The following GLDC variants were observed in gnomAD, a reference collection of about 807,000 sequenced individuals.
GLDC encodes the protein glycine decarboxylase, also known as glycine dehydrogenase (decarboxylating), mitochondrial.
In GLDC, 104 loss-of-function variants were observed where a neutral mutation model predicts 121.3. The ratio of observed to expected loss-of-function variants is 0.86; its 90% CI spans 0.73 to 1.01. The LOEUF is 1.01. Among genes scored for constraint, GLDC ranks in the 50% least tolerant of loss-of-function variants. The pLI is 0.00. For missense variants in GLDC, 1,429 were observed against 1,306.6 expected, an observed-to-expected ratio of 1.09 and a Z score of -1.44; for synonymous variants, 546 against 480.6, an observed-to-expected ratio of 1.14 and a Z score of -1.78.
chr9:6,555,620 A>G lies in GLDC; in HGVS notation c.2202+533T>C, dbSNP rs189009725. Among the ~76,000 whole-genome samples the G allele has an allele frequency of 3.9e-5, 6 of 152,060 alleles. No homozygotes were observed. The East Asian group carries it at 7.7e-4, about 20-fold the overall frequency. On this transcript the variant is annotated intron_variant, in intron 18 of 24. Coordinates refer to ENST00000321612, the MANE Select transcript of GLDC (RefSeq NM_000170.3). ...CCCATCTCTACTAAAATACAAAAAT[A>G]AAAATAAAAAAATTTAAAAAAATTA...
chr9:6,556,092 T>G, intron 18 of GLDC, 61 bp downstream of exon 18: 1 of 1,453,998 alleles, frequency 6.9e-7, no homozygotes. Context: ...CAGAATTTTT[T>G]TTTTTTTCCA....
intron 6 of GLDC, 29 bp downstream of exon 6, chr9:6,605,102 C>T (rs372296570): frequency 2.2e-4 from 350 of 1,605,600 alleles, no homozygotes; most frequent in Admixed American, 1.1e-3. Flanking sequence ...TACGCCTCCA[C>T]GGACCCCCCA....
intron 15 of GLDC, among the ~76,000 whole-genome samples, chr9:6,585,832 C>CTATG (rs148214664): frequency 0.14 from 20,013 of 147,728 alleles, 1,920 homozygotes; most frequent in Middle Eastern, 0.21. Context: ...TATCATTCAT[C>CTATG]TATGTATGTA....
chr9:6,585,795 A>G (rs1328728568), intron 15 of GLDC, among the ~76,000 whole-genome samples: 1 of 152,184 alleles, frequency 6.6e-6, no homozygotes, highest in Non-Finnish European at 1.5e-5. Context: ...GTAAACTCAC[A>G]TACCGATAAC....
intron 2 of GLDC, among the ~76,000 whole-genome samples, chr9:6,640,331 C>T (rs929445912): frequency 6.6e-6 from 1 of 152,204 alleles, no homozygotes; most frequent in East Asian, 1.9e-4. Context: ...TCACAGACTG[C>T]GGGGCCTACA....
At chr9:6,601,340 C>T (rs1563854983) in intron 8 of GLDC, among the ~76,000 whole-genome samples, 1 of 152,120 alleles carries the variant, frequency 6.6e-6, no homozygotes, top group African/African-American at 2.4e-5. Context: ...CAACTGCCAC[C>T]CATAACAAAC....
At chr9:6,634,569 A>ACC (rs1335793605) in intron 2 of GLDC, among the ~76,000 whole-genome samples, 6 of 145,526 alleles carry the variant, frequency 4.1e-5, no homozygotes, top group Non-Finnish European at 9.1e-5. Context: ...CAAAAAAAAA[A>ACC]CCCGCCATGC....
At chr9:6,534,338 T>C (rs936986585) in intron 24 of GLDC, among the ~76,000 whole-genome samples, 1 of 150,688 alleles carries the variant, frequency 6.6e-6, no homozygotes, top group Non-Finnish European at 1.5e-5. Context: ...TTTTTAGCCT[T>C]CTCCCTACCT....
In GLDC at chr9:6,553,361, G is replaced by A. The variant is rs1563834382; in HGVS notation, c.2457+7C>T. On this transcript the variant is annotated splice_region_variant and intron_variant, in intron 20 of 24. Coordinates refer to ENST00000321612, the MANE Select transcript of GLDC (RefSeq NM_000170.3). ...CCTGCACACCTGCACATACTCCCAG[G>A]CCTCACCTTGATATAAGCCCAGGAA... 1 of 1,613,666 alleles carries A rather than the reference G, an allele frequency of 6.2e-7. No homozygotes were observed. Among genetic ancestry groups the A allele is most frequent in the Non-Finnish European group, 8.5e-7 (1 of 1,179,776 alleles).
chr9:6,565,645 C>G (rs1817841491), intron 15 of GLDC: 3 of 633,476 alleles, frequency 4.7e-6, no homozygotes, highest in Non-Finnish European at 8.5e-6. Context: ...TGCACTACAG[C>G]TCAACCACTC....
chr9:6,574,242 C>A (rs1238198453), intron 15 of GLDC, among the ~76,000 whole-genome samples: 2 of 152,062 alleles, frequency 1.3e-5, no homozygotes, highest in Non-Finnish European at 2.9e-5. Flanking sequence ...CTTCGGGAGG[C>A]AGATCACCTG....
chr9:6,599,337 G>C (rs879203557), intron 8 of GLDC, among the ~76,000 whole-genome samples: 1 of 152,104 alleles, frequency 6.6e-6, no homozygotes, highest in Admixed American at 6.5e-5. Flanking sequence ...GAAACAGCAA[G>C]ACAGGAGCAG....
intron 15 of GLDC, 87 bp downstream of exon 15, chr9:6,587,054 A>C (rs968197): frequency 5.5e-6 from 6 of 1,085,332 alleles, no homozygotes; most frequent in Non-Finnish European, 8.6e-6. Context: ...ATAACACAAA[A>C]AAGTTGTTGT....
At chr9:6,645,188 G>C (rs1201031924) in intron 1 of GLDC, 57 bp downstream of exon 1, 2 of 1,497,782 alleles carry the variant, frequency 1.3e-6, no homozygotes, top group Non-Finnish European at 1.8e-6. Context: ...AGGCCGCGCA[G>C]GCAGAGCCCG....
intron 15 of GLDC, among the ~76,000 whole-genome samples, chr9:6,583,743 C>G (rs1818214401): frequency 6.6e-6 from 1 of 152,116 alleles, no homozygotes; most frequent in Non-Finnish European, 1.5e-5. Context: ...AGACATTATG[C>G]TAAGTGAAAT....
At chr9:6,617,400 G>A (rs2129939507) in intron 3 of GLDC, among the ~76,000 whole-genome samples, 1 of 152,260 alleles carries the variant, frequency 6.6e-6, no homozygotes, top group East Asian at 1.9e-4. Flanking sequence ...TGGCCACCAA[G>A]AGCAAAGGCT....
Position 6,587,239 on chromosome 9 carries a change from A to G in GLDC, c.1752T>C (p.Pro584=), listed in dbSNP as rs150647379. 423 of 1,613,940 alleles carry G rather than the reference A, an allele frequency of 2.6e-4. 1 individual carries two copies. The highest frequency in any genetic ancestry group is 3.3e-4 in the Non-Finnish European group (395 of 1,179,908). Residue 584 remains proline, a synonymous_variant, in exon 15 of 25, where the codon CCT becomes CCC. Coordinates refer to ENST00000321612, the MANE Select transcript of GLDC (RefSeq NM_000170.3). Reference sequence around the variant, plus strand: ...GCTGATATCCTTGAGCTTGATCCAGAGGCACAAAGGGGTGGATGTTTGCAA... The same window carrying G: ...GCTGATATCCTTGAGCTTGATCCAGGGGCACAAAGGGGTGGATGTTTGCAA... The part of the protein sequence containing the change: ...KEFANIHPFV[P]LDQAQGYQQL...
chr9:6,592,912 T>A lies in GLDC; in HGVS notation c.1340A>T (p.Lys447Met), dbSNP rs1161073883. The stretch of plus-strand genomic sequence containing the variant: ...CTGAGCGGCCCTGCCCAAGACCTCC[T>A]TCACTGAGCAGCCACACTGAATCTT... ...TLKIQCGCSV[K>M]EVLGRAAQRQ... The change falls in exon 10 of 25, where the codon AAG (lysine) becomes ATG (methionine). Residue 447 changes from lysine to methionine, a missense_variant. Transcript: ENST00000321612. 6.2e-7 allele frequency: 1 copy of A among 1,614,012 alleles called. No individual in the cohort carries two copies. The highest frequency in any genetic ancestry group is 1.7e-5 in the Admixed American group (1 of 60,024).
In GLDC at chr9:6,645,571, TC is replaced by T. The variant is rs1172825894; in HGVS notation, c.-73del. The T allele has an allele frequency of 1.5e-5, 17 of 1,141,414 alleles. No individual in the cohort carries two copies. The highest frequency in any genetic ancestry group is 2.8e-5 in the South Asian group (1 of 35,160). 70.7% of individuals were successfully genotyped at this position (1,141,414 alleles called of 1,614,324 possible). ...CTCTTGGCCCCTCTCCTGGCCTCGG[TC>T]CCCCGGGTGGCGGCTGCGCCCGGCC... On this transcript the variant is annotated 5_prime_UTR_variant, in exon 1 of 25. Transcript: ENST00000321612.
Sources: gnomAD v4.1 joint callset for allele counts (sites outside exome capture counted in the v4.1 genomes callset) on GRCh38, gnomAD v4.1.1 for gene constraint, MANE v1.5 for transcripts, NCBI Gene and HGNC (gene_info 2026-07-23, HGNC 2026-07-21) for gene names.